Variants in RLN1 observed in about 807,000 individuals in gnomAD.
RLN1 encodes the protein relaxin 1.
A neutral mutation model predicts 7.2 loss-of-function variants in RLN1; 4 were observed. The observed-to-expected ratio is 0.56, with a 90% CI of 0.28 to 1.28. The LOEUF is 1.28. RLN1 is among the 50% of genes most tolerant of loss of function. The pLI is 0.11. For synonymous variants in RLN1, 105 were observed against 86.0 expected, an observed-to-expected ratio of 1.22 and a Z score of -1.22; for missense variants, 293 against 221.1, an observed-to-expected ratio of 1.32 and a Z score of -2.06.
At chr9:5,337,960 A>C (rs36123525) in intron 1 of RLN1, among the ~76,000 whole-genome samples, 1 of 152,028 alleles carries the variant, frequency 6.6e-6, no homozygotes, top group Non-Finnish European at 1.5e-5. Flanking sequence ...ATTTCAAATT[A>C]TGTTTTGGGA....
chr9:5,339,670 T>A lies in RLN1; in HGVS notation c.77A>T (p.Lys26Ile). ...LNQFSRAVAA[K>I]WKDDVIKLCG... ...TAATTTAATAACATCGTCCTTCCAT[T>A]TGGCCGCGACTGCTCTGGAAAATTG... The change falls in exon 1 of 2, where the codon AAA becomes ATA. Residue 26 changes from lysine to isoleucine, a missense_variant. Physicochemically the swap from Lys to Ile is moderately radical, Grantham distance 102. Coordinates refer to ENST00000223862, the MANE Select transcript of RLN1 (RefSeq NM_006911.4). The A allele has an allele frequency of 6.2e-7, 1 of 1,611,294 alleles. No individual in the cohort carries two copies. The highest frequency in any genetic ancestry group is 1.4e-5 in the African/African-American group (1 of 72,850).
Position 5,335,389 on chromosome 9 carries a change from G to A in RLN1, c.420C>T (p.Ala140=), listed in dbSNP as rs576694797. The change falls in exon 2 of 2, where the codon GCC becomes GCT. Residue 140 remains alanine (A), a synonymous_variant. Transcript: ENST00000223862. The stretch of plus-strand genomic sequence containing the variant: ...TTAATTCTGAAGGATTGCTGTCTGC[G>A]GCTTCACTTTGCCTATTGCGAATAA... ...KKLIRNRQSE[A]ADSNPSELKY... 2.7e-5 allele frequency: 44 copies of A among 1,613,550 alleles called. 1 individual carries two copies. Among genetic ancestry groups the A allele is most frequent in the East Asian group, 1.6e-4 (7 of 44,862 alleles).
rs985479745 is a variant in RLN1, at chr9:5,335,103, A to C, written c.*148T>G. 1.9e-5 allele frequency: 10 copies of C among 523,722 alleles called. No homozygotes were observed. The African/African-American group carries it at 1.9e-4, about 10-fold the overall frequency. 32.4% of individuals were successfully genotyped at this position (523,722 alleles called of 1,614,324 possible). On this transcript the variant is annotated 3_prime_UTR_variant, in exon 2 of 2. Transcript: ENST00000223862. ...TACAGAAACTACAATCATACAAAGA[A>C]TATTTTCTTACACACCAAATGAAAA...
At chr9:5,339,473 G>T in intron 1 of RLN1, 63 bp downstream of exon 1, 3 of 1,194,840 alleles carry the variant, frequency 2.5e-6, no homozygotes, top group Non-Finnish European at 3.5e-6. Context: ...TTCCAATTGG[G>T]CGGCCGCCCC....
chr9:5,335,335 T>C lies in RLN1; in HGVS notation c.474A>G (p.Gln158=). The C allele has an allele frequency of 1.2e-6, 2 of 1,612,966 alleles. No homozygotes were observed. Among genetic ancestry groups the C allele is most frequent in the Non-Finnish European group, 1.7e-6 (2 of 1,179,648 alleles). The change falls in exon 2 of 2, where the codon CAA becomes CAG. Residue 158 remains glutamine (Q), a synonymous_variant. Transcript: ENST00000223862. ...LKYLGLDTHS[Q]KKRRPYVALF... is the part of the protein sequence containing the mutation. ...GTGCCACGTAGGGTCGTCTCTTTTT[T>C]TGAGAATGAGTATCCAAGCCTAAGT... is the stretch of plus-strand genomic sequence containing the variant.
intron 1 of RLN1, 85 bp downstream of exon 1, chr9:5,339,451 T>A: frequency 1.1e-6 from 1 of 877,538 alleles, no homozygotes; most frequent in Non-Finnish European, 1.7e-6. Flanking sequence ...GAGTCGGACG[T>A]GCAGGCCGCC....
At position 5,335,501 on chromosome 9, in the gene RLN1, G is replaced by C; in HGVS notation, c.308C>G (p.Ser103Cys). The C allele has an allele frequency of 1.2e-6, 2 of 1,613,180 alleles. No individual in the cohort carries two copies. The highest frequency in any genetic ancestry group is 2.2e-5 in the South Asian group (2 of 91,030). ...CTCTGGTAATGATGGTTGCCTCTCA[G>C]ATAGGGCTGCCTTCAGCTCCGGTGG... ...NLPPELKAAL[S>C]ERQPSLPELQ... is the part of the protein sequence containing the mutation. Residue 103 changes from serine (S) to cysteine (C), a missense_variant, in exon 2 of 2, where the codon TCT becomes TGT. Physicochemically the swap from Ser to Cys is moderately radical, Grantham distance 112. Coordinates refer to ENST00000223862, the MANE Select transcript of RLN1 (RefSeq NM_006911.4).
Position 5,335,408 on chromosome 9 carries a change from C to G in RLN1, c.401G>C (p.Arg134Pro), listed in dbSNP as rs145563561. ...GTCTGCGGCTTCACTTTGCCTATTG[C>G]GAATAAGTTTCTTAAATTCTTCAAA... Reference protein sequence around the residue: ...LSFEEFKKLIRNRQSEAADSN... With the variant: ...LSFEEFKKLIPNRQSEAADSN... The change falls in exon 2 of 2, where the codon CGC becomes CCC. Residue 134 changes from arginine (R) to proline (P), a missense_variant. Arg to Pro is a moderately radical substitution (Grantham distance 103, BLOSUM62 -2). Coordinates refer to ENST00000223862, the MANE Select transcript of RLN1 (RefSeq NM_006911.4). 6.2e-7 allele frequency: 1 copy of G among 1,613,574 alleles called. No individual in the cohort carries two copies. Among genetic ancestry groups the G allele is most frequent in the South Asian group, 1.1e-5 (1 of 91,006 alleles).
At chr9:5,336,993 A>T (rs1349578013) in intron 1 of RLN1, among the ~76,000 whole-genome samples, 1 of 151,550 alleles carries the variant, frequency 6.6e-6, no homozygotes, top group Non-Finnish European at 1.5e-5. Flanking sequence ...GCAATAAAAA[A>T]CAAAACAAAA....
At chr9:5,340,535 A>G (rs1167305595), upstream of RLN1, among the ~76,000 whole-genome samples, 5 of 152,114 alleles carry the variant, frequency 3.3e-5, no homozygotes, top group Non-Finnish European at 7.4e-5. Context: ...GAGAGAGAGA[A>G]AGAGAGAGAG....
Position 5,335,610 on chromosome 9 carries a change from A to G in RLN1, c.212-13T>C. 1 of 1,561,428 alleles carries G rather than the reference A, an allele frequency of 6.4e-7. No homozygotes were observed. The highest frequency in any genetic ancestry group is 8.8e-7 in the Non-Finnish European group (1 of 1,142,100). The stretch of plus-strand genomic sequence containing the variant: ...GATGGTACAATTTCTGTTAAGTTTA[A>G]AAAAAAAGTGTATGTGAAGGCGTAT... On this transcript the variant is annotated splice_polypyrimidine_tract_variant and intron_variant, in intron 1 of 1. Transcript: ENST00000223862.
rs751746727 is a variant in RLN1, at chr9:5,335,611, A to G, written c.212-14T>C. On this transcript the variant is annotated splice_polypyrimidine_tract_variant and intron_variant, in intron 1 of 1. Coordinates refer to ENST00000223862, the MANE Select transcript of RLN1 (RefSeq NM_006911.4). ...ATGGTACAATTTCTGTTAAGTTTAA[A>G]AAAAAAGTGTATGTGAAGGCGTATT... The G allele has an allele frequency of 3.2e-6, 5 of 1,559,896 alleles. No homozygotes were observed. Among genetic ancestry groups the G allele is most frequent in the Non-Finnish European group, 3.5e-6 (4 of 1,140,308 alleles).
At chr9:5,339,260 A>G (rs1263946535) in intron 1 of RLN1, 43 of 285,812 alleles carry the variant, frequency 1.5e-4, no homozygotes, top group Non-Finnish European at 2.3e-4. Context: ...TGACTGCCTT[A>G]CGGAAAGGGC....
In RLN1 at chr9:5,335,249, T is replaced by A; in HGVS notation, c.*2A>T. 1 of 1,567,422 alleles carries A rather than the reference T, an allele frequency of 6.4e-7. No individual in the cohort carries two copies. Among genetic ancestry groups the A allele is most frequent in the Non-Finnish European group, 8.6e-7 (1 of 1,156,798 alleles). ...GACAAGATGTGCACAATTAGCTTCA[T>A]CTCAGCAATATTTAGCAAGAGACCT... On this transcript the variant is annotated 3_prime_UTR_variant, in exon 2 of 2. Transcript: ENST00000223862.
At position 5,335,567 on chromosome 9, in the gene RLN1, G is replaced by T; in HGVS notation, c.242C>A (p.Thr81Lys). ...EIVPSFINKD[T>K]ETIIIMLEFI... ...TTCCAACATGATAATTATAGTTTCT[G>T]TATCTTTGTTGATGAAGGATGGTAC... is the stretch of plus-strand genomic sequence containing the variant. Residue 81 changes from threonine to lysine, a missense_variant, in exon 2 of 2, where the codon ACA becomes AAA. Transcript: ENST00000223862. 1 of 1,610,008 alleles carries T rather than the reference G, an allele frequency of 6.2e-7. No individual in the cohort carries two copies. The highest frequency in any genetic ancestry group is 1.3e-5 in the African/African-American group (1 of 74,688).
Position 5,339,544 on chromosome 9 carries a change from GGTCT to G in RLN1, c.199_202del (p.Arg67GlnfsTer17). 1 of 1,586,006 alleles carries G rather than the reference GGTCT, an allele frequency of 6.3e-7. No individual in the cohort carries two copies. The highest frequency in any genetic ancestry group is 8.6e-7 in the Non-Finnish European group (1 of 1,169,262). On this transcript the variant is annotated frameshift_variant, in exon 1 of 2. Transcript: ENST00000223862. LOFTEE classifies it low-confidence loss of function (END_TRUNC). ...GGGGCGGGAGCTCTCACCTGCCACT[GGTCT>G]AGGTGTCTGAGGAGCATCTTCCTGG...
Position 5,336,989 on chromosome 9 carries a change from AAAAAC to A in RLN1, c.212-1397_212-1393del, listed in dbSNP as rs546686855. Among the ~76,000 whole-genome samples, 44 of 152,110 alleles carry A rather than the reference AAAAAC, an allele frequency of 2.9e-4. 2 individuals are homozygous for A. The highest frequency in any genetic ancestry group is 8.4e-4 in the African/African-American group (35 of 41,458). On this transcript the variant is annotated intron_variant, in intron 1 of 1. Coordinates refer to ENST00000223862, the MANE Select transcript of RLN1 (RefSeq NM_006911.4). ...ACAGTTGGAGTTTGACAGAGCAATA[AAAAAC>A]AAAACAAAACAAAACAAAACAAAAA...
At chr9:5,340,484 A>T (rs1033302641), upstream of RLN1, among the ~76,000 whole-genome samples, 1 of 152,188 alleles carries the variant, frequency 6.6e-6, no homozygotes, top group Non-Finnish European at 1.5e-5. Flanking sequence ...TTAAAATTCT[A>T]GTCTATGTCT....
chr9:5,335,452 T>C lies in RLN1; in HGVS notation c.357A>G (p.Leu119=). The change falls in exon 2 of 2, where the codon TTA becomes TTG. Residue 119 remains leucine (L), a synonymous_variant. Coordinates refer to ENST00000223862, the MANE Select transcript of RLN1 (RefSeq NM_006911.4). ...LPELQQYVPA[L]KDSNLSFEEF... is the part of the protein sequence containing the mutation. ...CTTCAAAGCTAAGATTGGAATCCTT[T>C]AATGCAGGTACATACTGCTGTAGCT... 1.2e-6 allele frequency: 2 copies of C among 1,613,758 alleles called. No homozygotes were observed. Among genetic ancestry groups the C allele is most frequent in the Non-Finnish European group, 1.7e-6 (2 of 1,179,792 alleles).
Sources: gnomAD v4.1 joint callset for allele counts (sites outside exome capture counted in the v4.1 genomes callset) on GRCh38, gnomAD v4.1.1 for gene constraint, MANE v1.5 for transcripts, NCBI Gene and HGNC (gene_info 2026-07-23, HGNC 2026-07-21) for gene names.